Variants in ZNF469 observed in about 807,000 individuals in gnomAD.
The protein encoded by ZNF469 is zinc finger protein 469.
In ZNF469, 1 loss-of-function variant was observed where a neutral mutation model predicts 1.0. The observed-to-expected ratio is 1.00, with a 90% confidence interval of 0.35 to 4.73. The LOEUF is 4.73. Ranked by LOEUF, ZNF469 falls within the 30% of genes most tolerant of loss-of-function variation. ZNF469 has a pLI of 0.16. For synonymous variants in ZNF469, 2,703 were observed against 2,363.4 expected (o/e 1.14, Z -4.17); for missense variants, 6,100 against 5,356.3 (o/e 1.14, Z -4.33).
chr16:88,316,152 G>A, the ZNF469 span, among the ~76,000 whole-genome samples: 2 of 152,334 alleles, frequency 1.3e-5, no homozygotes, highest in African/African-American at 2.4e-5. Context: ...CTTCCCCCAG[G>A]TCCGTCCTCC....
At position 88,414,714 on chromosome 16, in the gene ZNF469, G is replaced by A. The variant is rs556674676; in HGVS notation, c.-191-10093G>A. On this transcript the variant is annotated intron_variant, in intron 1 of 2. Coordinates refer to ENST00000565624, the MANE Select transcript of ZNF469 (RefSeq NM_001367624.2). ...GAACCCAGAAGGACGTCCCAGTGGGGGGTAACTTCCCCTGCCCCAGGGAAC... is the reference window on the plus strand; with the variant it reads ...GAACCCAGAAGGACGTCCCAGTGGGAGGTAACTTCCCCTGCCCCAGGGAAC... Among the ~76,000 whole-genome samples the A allele has an allele frequency of 9.8e-5, 15 of 152,366 alleles. No individual in the cohort carries two copies. In the South Asian group the frequency reaches 2.9e-3, roughly 29 times the overall value.
At chr16:88,113,335 G>C in the ZNF469 span, among the ~76,000 whole-genome samples, 1 of 152,208 alleles carries the variant, frequency 6.6e-6, no homozygotes, top group Admixed American at 6.5e-5. Context: ...AGTTTTCCCA[G>C]CACCGTTTAT....
the ZNF469 span, among the ~76,000 whole-genome samples, chr16:88,227,458 T>C: frequency 6.6e-6 from 1 of 151,468 alleles, no homozygotes; most frequent in Non-Finnish European, 1.5e-5. Context: ...CTCCCTCAGC[T>C]TCTCCCTGTC....
At chr16:88,318,879 G>A in the ZNF469 span, among the ~76,000 whole-genome samples, 12 of 152,280 alleles carry the variant, frequency 7.9e-5, no homozygotes, top group Non-Finnish European at 1.3e-4. Flanking sequence ...TGGCCCTCAC[G>A]TGGTGACCGT....
chr16:88,274,230 G>A, the ZNF469 span, among the ~76,000 whole-genome samples: 1 of 152,318 alleles, frequency 6.6e-6, no homozygotes, highest in African/African-American at 2.4e-5. Context: ...CCCATGGTGT[G>A]AGGTCCCTAG....
chr16:88,149,126 TCA>T, the ZNF469 span, among the ~76,000 whole-genome samples: 21,566 of 151,950 alleles, frequency 0.14, 1,830 homozygotes, highest in East Asian at 0.27. Context: ...GAAGCTGAGC[TCA>T]CAGTCTTTCC....
chr16:88,224,589 G>T, the ZNF469 span, among the ~76,000 whole-genome samples: 1 of 152,220 alleles, frequency 6.6e-6, no homozygotes, highest in African/African-American at 2.4e-5. Context: ...AGACTGAGGC[G>T]CAGAGAGGCT....
At chr16:88,262,356 G>A in the ZNF469 span, among the ~76,000 whole-genome samples, 8 of 152,344 alleles carry the variant, frequency 5.3e-5, no homozygotes, top group East Asian at 1.2e-3. This position sits in a 1 kb window ranked among gnomAD's most constrained non-coding sequence, Gnocchi z 4.3. Flanking sequence ...GGGGTGGGGC[G>A]TTTGAACTGC....
In ZNF469 at chr16:88,430,395, C is replaced by A; in HGVS notation, c.2925C>A (p.Ala975=). The change falls in exon 3 of 3, where the codon GCC becomes GCA. Residue 975 remains alanine (A), a synonymous_variant. Coordinates refer to ENST00000565624, the MANE Select transcript of ZNF469 (RefSeq NM_001367624.2). ...EGSGSGGGGR[A]SGLRPRRNDG... ...CGGGGTCGGGCGGCGGCGGCAGAGC[C>A]TCCGGCCTGAGGCCCCGGAGGAACG... 2.6e-6 allele frequency: 4 copies of A among 1,519,180 alleles called. No individual in the cohort carries two copies. Among genetic ancestry groups the A allele is most frequent in the Non-Finnish European group, 3.5e-6 (4 of 1,137,668 alleles). The allele number at this position is 1,519,180 out of a possible 1,614,324, so 94.1% of individuals were successfully genotyped here.
chr16:88,175,387 CT>C, the ZNF469 span, among the ~76,000 whole-genome samples: 1 of 152,188 alleles, frequency 6.6e-6, no homozygotes, highest in African/African-American at 2.4e-5. Flanking sequence ...AAAATTCCCT[CT>C]AACCACAAAA....
the ZNF469 span, chr16:88,194,266 C>T: frequency 6.6e-6 from 1 of 152,314 alleles, no homozygotes; most frequent in Admixed American, 6.5e-5. Context: ...GCCTCACGTC[C>T]TCAGTGCCCC....
At chr16:88,192,856 G>A in the ZNF469 span, among the ~76,000 whole-genome samples, 1 of 141,684 alleles carries the variant, frequency 7.1e-6, no homozygotes, top group African/African-American at 2.6e-5. Context: ...GATAATGATG[G>A]TGATGACGGT....
chr16:88,305,450 A>G, the ZNF469 span, among the ~76,000 whole-genome samples: 1 of 144,386 alleles, frequency 6.9e-6, no homozygotes, highest in Non-Finnish European at 1.5e-5. Flanking sequence ...ACACATGCTC[A>G]TAGACACACA....
At chr16:88,301,354 C>A in the ZNF469 span, among the ~76,000 whole-genome samples, 10,820 of 152,140 alleles carry the variant, frequency 0.071, 1,250 homozygotes, top group African/African-American at 0.24. Context: ...CGGGGTCTCA[C>A]CATGTTAGCC....
intron 1 of ZNF469, among the ~76,000 whole-genome samples, chr16:88,390,755 C>T (rs1020270473): frequency 6.6e-6 from 1 of 152,190 alleles, no homozygotes; most frequent in Non-Finnish European, 1.5e-5. Flanking sequence ...GGGAAGGCGT[C>T]TCTGAGCTGG....
At chr16:88,251,536 G>GTGTT in the ZNF469 span, among the ~76,000 whole-genome samples, 82 of 78,810 alleles carry the variant, frequency 1.0e-3, 11 homozygotes, top group Non-Finnish European at 1.4e-3. Context: ...TGTCCCTGCT[G>GTGTT]TCTTTTTTTT....
In ZNF469 at chr16:88,436,493, ACTC is replaced by A. The variant is rs1396254119; in HGVS notation, c.9030_9032del (p.Ser3012del). 1.9e-6 allele frequency: 3 copies of A among 1,547,444 alleles called. No homozygotes were observed. Among genetic ancestry groups the A allele is most frequent in the Non-Finnish European group, 2.6e-6 (3 of 1,146,844 alleles). ...CTGGAGATGCCGGCCCCTGCCGATG[ACTC>A]CTCCTCTTCTCTCGGAGATGTGAGC... On this transcript the variant is annotated inframe_deletion, in exon 3 of 3. Coordinates refer to ENST00000565624, the MANE Select transcript of ZNF469 (RefSeq NM_001367624.2).
In ZNF469 at chr16:88,430,011, G is replaced by C. The variant is rs777200054; in HGVS notation, c.2541G>C (p.Ala847=). 4 of 1,550,360 alleles carry C rather than the reference G, an allele frequency of 2.6e-6. No homozygotes were observed. The highest frequency in any genetic ancestry group is 3.5e-6 in the Non-Finnish European group (4 of 1,146,972). Residue 847 remains alanine (A), a synonymous_variant, in exon 3 of 3, where the codon GCG becomes GCC. Transcript: ENST00000565624. Reference sequence around the variant, plus strand: ...AGCTGGACAGCCTCATCACAGAGGCGCTCAACGGCATGGAGTACCAGTCGG... The same window carrying C: ...AGCTGGACAGCCTCATCACAGAGGCCCTCAACGGCATGGAGTACCAGTCGG... ...DAKLDSLITE[A]LNGMEYQSDN...
rs570185707 is a variant in ZNF469 at position 88,412,374 on chromosome 16, C to T, written c.-191-12433C>T. Among the ~76,000 whole-genome samples the T allele has an allele frequency of 6.3e-3, 947 of 151,264 alleles. 10 individuals are homozygous for T. The highest frequency in any genetic ancestry group is 0.022 in the African/African-American group (910 of 41,168). On this transcript the variant is annotated intron_variant, in intron 1 of 2. Coordinates refer to ENST00000565624, the MANE Select transcript of ZNF469 (RefSeq NM_001367624.2). Reference sequence around the variant, plus strand: ...ACCTCTCTGAGCCCTACTGTGTGACCGCAGGCACCTCGCTTAACCTCTCTG... The same window carrying T: ...ACCTCTCTGAGCCCTACTGTGTGACTGCAGGCACCTCGCTTAACCTCTCTG...
Sources: gnomAD v4.1 joint callset for allele counts (sites outside exome capture counted in the v4.1 genomes callset) on GRCh38, gnomAD v4.1.1 for gene constraint, Gnocchi (gnomAD v3.1) non-coding constraint, MANE v1.5 for transcripts, NCBI Gene and HGNC (gene_info 2026-07-23, HGNC 2026-07-21) for gene names.